Variants in PCSK5 observed in about 807,000 individuals in gnomAD.
PCSK5 encodes the protein prohormone convertase 5.
PCSK5 carries 129 observed loss-of-function variants against 233.2 expected under a neutral mutation model. The observed-to-expected ratio is 0.55, with a 90% CI of 0.48 to 0.64. PCSK5 has a LOEUF of 0.64. PCSK5 is among the 30% of genes least tolerant of loss of function. The pLI is 0.00. For missense variants in PCSK5, 2,076 were observed against 2,430.1 expected, an observed-to-expected ratio of 0.85 and a Z score of 3.06; for synonymous variants, 825 against 879.2, an observed-to-expected ratio of 0.94 and a Z score of 1.09.
At chr9:76,102,103 G>A (rs767220437) in intron 8 of PCSK5, among the ~76,000 whole-genome samples, 1 of 152,134 alleles carries the variant, frequency 6.6e-6, no homozygotes, top group African/African-American at 2.4e-5. Flanking sequence ...ACCTCTATAC[G>A]GACTTGCTGA....
chr9:76,035,190 C>A (rs1828810301), intron 5 of PCSK5, among the ~76,000 whole-genome samples: 1 of 152,148 alleles, frequency 6.6e-6, no homozygotes, highest in Admixed American at 6.6e-5. Context: ...TATGTTTGTT[C>A]TTTAGCCTGG....
At chr9:76,262,796 G>C (rs1441328217) in intron 24 of PCSK5, among the ~76,000 whole-genome samples, 1 of 150,794 alleles carries the variant, frequency 6.6e-6, no homozygotes, top group Non-Finnish European at 1.5e-5. Flanking sequence ...TTAAACTAAA[G>C]AGCTTCTGCA....
chr9:76,064,011 A>AC (rs1365701629), intron 5 of PCSK5, among the ~76,000 whole-genome samples: 6 of 82,766 alleles, frequency 7.2e-5, no homozygotes, highest in East Asian at 3.7e-4. Flanking sequence ...CGGGGGGCTG[A>AC]CCCCCCCACC....
At chr9:75,989,361 G>A (rs1826665901) in intron 3 of PCSK5, among the ~76,000 whole-genome samples, 1 of 152,174 alleles carries the variant, frequency 6.6e-6, no homozygotes. Flanking sequence ...GGACGAGGTG[G>A]CGTGCTCCTG....
intron 3 of PCSK5, among the ~76,000 whole-genome samples, chr9:75,991,180 AAC>A (rs1206764386): frequency 2.6e-5 from 4 of 152,168 alleles, no homozygotes; most frequent in African/African-American, 9.7e-5. Context: ...CTGGTGTTCA[AAC>A]TCAGCCATTT....
In PCSK5 at chr9:76,343,503, A is replaced by G. The variant is rs572589698; in HGVS notation, c.4966+5056A>G. Among the ~76,000 whole-genome samples, 14 of 152,130 alleles carry G rather than the reference A, an allele frequency of 9.2e-5. No individual in the cohort carries two copies. The South Asian group carries it at 2.9e-3, about 32-fold the overall frequency. The stretch of plus-strand genomic sequence containing the variant: ...CAGGTGTGAGCCACCAGGCCTGGCC[A>G]GGATAGAATTTTAATTTAGTATGTT... On this transcript the variant is annotated intron_variant, in intron 35 of 37. Transcript: ENST00000674117.
At chr9:76,309,718 A>G (rs1008121707) in intron 29 of PCSK5, among the ~76,000 whole-genome samples, 3 of 152,160 alleles carry the variant, frequency 2.0e-5, no homozygotes, top group Non-Finnish European at 4.4e-5. Context: ...CATGATCATT[A>G]TAAAGTCCAC....
intron 25 of PCSK5, among the ~76,000 whole-genome samples, chr9:76,294,237 G>A (rs746680218): frequency 2.0e-5 from 3 of 151,678 alleles, no homozygotes; most frequent in Admixed American, 6.6e-5. Context: ...ATATGCAAAG[G>A]TTTCCCCTGA....
intron 2 of PCSK5, among the ~76,000 whole-genome samples, chr9:75,973,253 C>G (rs1412697288): frequency 6.6e-6 from 1 of 152,144 alleles, no homozygotes; most frequent in Non-Finnish European, 1.5e-5. Flanking sequence ...GAAAAACAAC[C>G]ATCAACATCT....
chr9:76,298,461 A>G (rs1404792656), intron 27 of PCSK5, among the ~76,000 whole-genome samples: 7 of 152,342 alleles, frequency 4.6e-5, no homozygotes, highest in Non-Finnish European at 7.3e-5. Context: ...CCCATGACCT[A>G]TGAAATAAGA....
chr9:76,087,297 T>C (rs142850844), intron 7 of PCSK5, among the ~76,000 whole-genome samples: 479 of 152,380 alleles, frequency 3.1e-3, no homozygotes, highest in Non-Finnish European at 5.3e-3. Context: ...CTAGCAGATA[T>C]GGTGGATAAG....
At chr9:75,928,932 T>C (rs527924432) in intron 1 of PCSK5, among the ~76,000 whole-genome samples, 1 of 151,356 alleles carries the variant, frequency 6.6e-6, no homozygotes, top group Admixed American at 6.6e-5. Context: ...TTCTGATATT[T>C]ATTTATTTAT....
intron 2 of PCSK5, among the ~76,000 whole-genome samples, chr9:75,968,016 C>T (rs1825666602): frequency 6.6e-6 from 1 of 152,152 alleles, no homozygotes; most frequent in Non-Finnish European, 1.5e-5. Flanking sequence ...CCCGCCTGGG[C>T]CTCCCAAAGT....
chr9:75,962,688 C>G (rs1398330397), intron 2 of PCSK5, among the ~76,000 whole-genome samples: 3 of 152,196 alleles, frequency 2.0e-5, no homozygotes, highest in African/African-American at 7.2e-5. Flanking sequence ...GATCGAGAAC[C>G]AGCATTTGTG....
intron 2 of PCSK5, among the ~76,000 whole-genome samples, chr9:75,980,783 T>C (rs1826243119): frequency 6.6e-6 from 1 of 152,054 alleles, no homozygotes. Flanking sequence ...CTTTGATGTT[T>C]TGATCAGAGT....
chr9:76,270,500 G>A (rs1478496853), intron 24 of PCSK5, among the ~76,000 whole-genome samples: 1 of 152,214 alleles, frequency 6.6e-6, no homozygotes, highest in East Asian at 1.9e-4. Flanking sequence ...AGGCAGTTCA[G>A]CCTTGGCACA....
chr9:76,032,460 A>G (rs1192174925), intron 5 of PCSK5, among the ~76,000 whole-genome samples: 3 of 152,204 alleles, frequency 2.0e-5, no homozygotes, highest in Non-Finnish European at 4.4e-5. Flanking sequence ...TTAGACTTGC[A>G]TGATTACATT....
chr9:76,289,547 C>G (rs1828215661), intron 24 of PCSK5, among the ~76,000 whole-genome samples: 1 of 144,716 alleles, frequency 6.9e-6, no homozygotes, highest in African/African-American at 2.6e-5. Context: ...CACACACACA[C>G]TAGAAGCCAG....
At chr9:76,210,257 A>G (rs1825280880) in intron 20 of PCSK5, among the ~76,000 whole-genome samples, 1 of 152,182 alleles carries the variant, frequency 6.6e-6, no homozygotes, top group Non-Finnish European at 1.5e-5. Context: ...CTGGAGTTCA[A>G]CGTCGTGGAG....
Sources: allele counts gnomAD v4.1 joint callset (sites outside exome capture counted in the v4.1 genomes callset), GRCh38; gene constraint gnomAD v4.1.1; transcripts MANE v1.5; gene names NCBI Gene and HGNC (gene_info 2026-07-23, HGNC 2026-07-21).